The following DOCK3 variants were observed in gnomAD, a reference collection of about 807,000 sequenced individuals.
DOCK3 encodes the protein dedicator of cytokinesis 3.
DOCK3 carries 60 observed loss-of-function variants against 265.6 expected under a neutral mutation model. The observed-to-expected ratio is 0.23, with a 90% CI of 0.18 to 0.28. The LOEUF (loss-of-function observed/expected upper bound fraction) is 0.28, where lower values mean the gene tolerates loss of function less well. Ranked by LOEUF, DOCK3 falls within the 10% of genes least tolerant of loss-of-function variation. DOCK3 has a pLI of 1.00. For missense variants in DOCK3, 1,981 were observed against 2,594.3 expected, an observed-to-expected ratio of 0.76 and a Z score of 5.14; for synonymous variants, 881 against 938.0, an observed-to-expected ratio of 0.94 and a Z score of 1.11.
At chr3:51,332,383 A>T (rs2084583046) in intron 33 of DOCK3, among the ~76,000 whole-genome samples, 1 of 152,226 alleles carries the variant, frequency 6.6e-6, no homozygotes, top group Admixed American at 6.5e-5. Context: ...GGGGTTGTCA[A>T]GTAAGAAAAG....
chr3:51,358,353 T>C (rs917055958), intron 46 of DOCK3, among the ~76,000 whole-genome samples: 1 of 152,060 alleles, frequency 6.6e-6, no homozygotes, highest in Non-Finnish European at 1.5e-5. Context: ...AGTAGACAGG[T>C]TTTCATATGT....
intron 23 of DOCK3, among the ~76,000 whole-genome samples, chr3:51,264,753 G>A (rs2080062888): frequency 6.6e-6 from 1 of 151,988 alleles, no homozygotes; most frequent in Non-Finnish European, 1.5e-5. Flanking sequence ...CCTGAACCTG[G>A]GAGGCGGGGC....
intron 22 of DOCK3, among the ~76,000 whole-genome samples, chr3:51,259,264 T>G (rs2079722152): frequency 6.6e-6 from 1 of 152,234 alleles, no homozygotes; most frequent in Non-Finnish European, 1.5e-5. Context: ...AACAGCTGGA[T>G]AGATCATGAA....
At chr3:51,255,823 C>T (rs557593651) in intron 22 of DOCK3, among the ~76,000 whole-genome samples, 35 of 147,998 alleles carry the variant, frequency 2.4e-4, no homozygotes, top group African/African-American at 7.2e-4. Context: ...TCCTTTAGCT[C>T]GGAGAAGTTT....
chr3:50,740,657 C>G (rs558632505), intron 1 of DOCK3, among the ~76,000 whole-genome samples: 1 of 152,144 alleles, frequency 6.6e-6, no homozygotes. Context: ...AGTGAACATT[C>G]AAAATTTTTT....
intron 2 of DOCK3, among the ~76,000 whole-genome samples, chr3:50,813,958 T>C (rs972362673): frequency 3.9e-5 from 6 of 152,184 alleles, no homozygotes; most frequent in South Asian, 4.1e-4. Context: ...ATAAGAATAG[T>C]AAATACTAAG....
At position 51,160,675 on chromosome 3, in the gene DOCK3, A is replaced by G; in HGVS notation, c.1010A>G (p.Glu337Gly). ...VLQSLTEVKE[E>G]KDFVLKVYTC... is the part of the protein sequence containing the mutation. ...CAGTCACTCACAGAAGTAAAGGAAG[A>G]AAAGGATTTTGTTCTTAAGGTTTAC... Residue 337 changes from glutamate (E) to glycine (G), a missense_variant, in exon 12 of 53, where the codon GAA becomes GGA. Transcript: ENST00000266037. The G allele has an allele frequency of 6.2e-7, 1 of 1,612,866 alleles. No individual in the cohort carries two copies. Among genetic ancestry groups the G allele is most frequent in the Non-Finnish European group, 8.5e-7 (1 of 1,179,450 alleles).
intron 51 of DOCK3, among the ~76,000 whole-genome samples, chr3:51,377,537 T>C (rs1162919448): frequency 6.6e-6 from 1 of 152,236 alleles, no homozygotes; most frequent in Non-Finnish European, 1.5e-5. Context: ...GGACAGTTGT[T>C]AATGGTGAGG....
intron 4 of DOCK3, among the ~76,000 whole-genome samples, chr3:50,920,082 G>C (rs776796475): frequency 1.1e-4 from 16 of 152,190 alleles, no homozygotes; most frequent in Non-Finnish European, 1.6e-4. Flanking sequence ...AACCAGCCTT[G>C]CATCCCAGGG....
At chr3:51,155,375 A>G (rs1028278194) in intron 10 of DOCK3, among the ~76,000 whole-genome samples, 15 of 152,112 alleles carry the variant, frequency 9.9e-5, no homozygotes, top group African/African-American at 3.6e-4. Flanking sequence ...CAGGATTTTT[A>G]TGTTTTACTT....
At chr3:51,372,825 A>T (rs2087794585) in intron 49 of DOCK3, among the ~76,000 whole-genome samples, 1 of 152,208 alleles carries the variant, frequency 6.6e-6, no homozygotes, top group African/African-American at 2.4e-5. Context: ...TTGGTCAGTG[A>T]GAATAGGTGC....
At chr3:51,045,949 C>G (rs1474369179) in intron 5 of DOCK3, among the ~76,000 whole-genome samples, 2 of 152,110 alleles carry the variant, frequency 1.3e-5, no homozygotes, top group African/African-American at 4.8e-5. Context: ...TAGCAGCTCT[C>G]CTGCTCATGG....
intron 1 of DOCK3, among the ~76,000 whole-genome samples, chr3:50,734,495 C>A (rs568939336): frequency 2.0e-5 from 3 of 152,004 alleles, no homozygotes; most frequent in Non-Finnish European, 4.4e-5. Flanking sequence ...GAGCAAGACT[C>A]TGTCTCAAAA....
intron 2 of DOCK3, among the ~76,000 whole-genome samples, chr3:50,798,155 T>C (rs1278442701): frequency 6.6e-6 from 1 of 152,154 alleles, no homozygotes; most frequent in Non-Finnish European, 1.5e-5. Flanking sequence ...GGGGGAAATA[T>C]ATCAAGAGAT....
intron 2 of DOCK3, among the ~76,000 whole-genome samples, chr3:50,786,489 C>T (rs2042190750): frequency 6.6e-6 from 1 of 152,102 alleles, no homozygotes; most frequent in Non-Finnish European, 1.5e-5. Flanking sequence ...AAGAAACGCC[C>T]ACCATTTCTT....
intron 1 of DOCK3, among the ~76,000 whole-genome samples, chr3:50,760,409 T>G (rs2040451752): frequency 6.6e-6 from 1 of 152,198 alleles, no homozygotes; most frequent in Admixed American, 6.5e-5. Context: ...TTTACTATGG[T>G]GCAAAAGTGA....
At chr3:51,071,647 GAC>G (rs2081870571) in intron 6 of DOCK3, among the ~76,000 whole-genome samples, 1 of 152,148 alleles carries the variant, frequency 6.6e-6, no homozygotes, top group South Asian at 2.1e-4. Context: ...GTAGATTTTA[GAC>G]AGTGTGGTTT....
intron 26 of DOCK3, among the ~76,000 whole-genome samples, chr3:51,278,888 C>T (rs773517419): frequency 4.6e-5 from 7 of 152,194 alleles, no homozygotes; most frequent in South Asian, 2.1e-4. Flanking sequence ...TTACCTATAG[C>T]TTATTATGCC....
intron 3 of DOCK3, among the ~76,000 whole-genome samples, chr3:50,870,127 C>T (rs1029381667): frequency 9.2e-5 from 14 of 152,116 alleles, no homozygotes; most frequent in African/African-American, 3.4e-4. Context: ...CTATTCGATT[C>T]ATTTCATCTG....
Sources: allele counts gnomAD v4.1 joint callset (sites outside exome capture counted in the v4.1 genomes callset), GRCh38; gene constraint gnomAD v4.1.1; transcripts MANE v1.5; gene names NCBI Gene and HGNC (gene_info 2026-07-23, HGNC 2026-07-21).